The following LAPTM4B variants were observed in gnomAD, a reference collection of about 807,000 sequenced individuals.
LAPTM4B encodes the protein lysosomal protein transmembrane 4 beta, also known as lysosomal-associated transmembrane protein 4B.
Under a neutral mutation model 28.5 loss-of-function variants are expected in LAPTM4B, and 26 were observed. The observed-to-expected ratio is 0.91, with a 90% CI of 0.67 to 1.27. The LOEUF is 1.27. Among genes scored for constraint, LAPTM4B ranks in the 50% most tolerant of loss-of-function variants. The pLI is 0.00. For missense variants in LAPTM4B, 288 were observed against 285.8 expected (o/e 1.01, Z -0.06); for synonymous variants, 109 against 106.4 (o/e 1.02, Z -0.15).
At chr8:97,841,823 A>T (rs899955250) in intron 6 of LAPTM4B, among the ~76,000 whole-genome samples, 8 of 152,244 alleles carry the variant, frequency 5.3e-5, no homozygotes, top group African/African-American at 1.9e-4. Context: ...TATTTGATGT[A>T]AACACTGCAC....
chr8:97,808,679 C>T (rs529672140), intron 2 of LAPTM4B, among the ~76,000 whole-genome samples: 3 of 152,240 alleles, frequency 2.0e-5, no homozygotes, highest in Admixed American at 6.5e-5. Flanking sequence ...AGACTGGGTG[C>T]GGTGGCTCAC....
chr8:97,832,131 A>G (rs1329826055), intron 6 of LAPTM4B, among the ~76,000 whole-genome samples: 1 of 152,168 alleles, frequency 6.6e-6, no homozygotes, highest in Non-Finnish European at 1.5e-5. Flanking sequence ...AAGTCCCCCA[A>G]ATGCATCCTA....
chr8:97,807,072 A>C (rs1229796370), intron 2 of LAPTM4B, among the ~76,000 whole-genome samples: 1 of 151,978 alleles, frequency 6.6e-6, no homozygotes. Context: ...TTTTCTTCCC[A>C]GTCTCGGGTA....
In LAPTM4B at chr8:97,823,698, G is replaced by GT. The variant is rs752570648; in HGVS notation, c.508-1345dup. 1.3e-3 allele frequency among the ~76,000 whole-genome samples: 128 copies of GT among 96,414 alleles called. 3 individuals carry two copies. The highest frequency in any genetic ancestry group is 9.7e-3 in the South Asian group (26 of 2,674). The allele number at this position is 96,414 out of a possible 152,430, so 63.3% of individuals were successfully genotyped here. A position where few individuals can be genotyped will look rare whatever the true frequency, so the allele number is the denominator to read the frequency against. ...TCCCATTATTATTATTATTTATTTAGTTTTTTTTTTTTTTTCGGAGATGGA... is the reference window on the plus strand; with the variant it reads ...TCCCATTATTATTATTATTTATTTAGTTTTTTTTTTTTTTTTCGGAGATGGA... On this transcript the variant is annotated intron_variant, in intron 5 of 6. Coordinates refer to ENST00000521545, the MANE Select transcript of LAPTM4B (RefSeq NM_018407.6).
At chr8:97,829,910 TG>T (rs1196895101) in intron 6 of LAPTM4B, among the ~76,000 whole-genome samples, 3 of 152,136 alleles carry the variant, frequency 2.0e-5, no homozygotes, top group African/African-American at 7.2e-5. Context: ...TTGGCCAGGC[TG>T]GTCTTGAACT....
At chr8:97,813,197 C>T (rs59929469) in intron 2 of LAPTM4B, among the ~76,000 whole-genome samples, 4,280 of 152,300 alleles carry the variant, frequency 0.028, 201 homozygotes, top group African/African-American at 0.097. Flanking sequence ...CCCAAAACCT[C>T]AAAAGTAGGG....
chr8:97,795,244 T>G, intron 1 of LAPTM4B, among the ~76,000 whole-genome samples: 1 of 152,036 alleles, frequency 6.6e-6, no homozygotes, highest in East Asian at 1.9e-4. Context: ...GGACCACAGG[T>G]GCCTACCACC....
intron 5 of LAPTM4B, among the ~76,000 whole-genome samples, chr8:97,823,802 A>C (rs540464743): frequency 6.6e-6 from 1 of 151,074 alleles, no homozygotes; most frequent in Non-Finnish European, 1.5e-5. Context: ...GGTTCAAGCA[A>C]TTCTCCCGCC....
intron 1 of LAPTM4B, among the ~76,000 whole-genome samples, chr8:97,793,387 T>A (rs941330480): frequency 6.6e-6 from 1 of 152,208 alleles, no homozygotes; most frequent in Non-Finnish European, 1.5e-5. Context: ...CCCCCAGCAC[T>A]CATTTAATTT....
rs753483537 is a variant in LAPTM4B at position 97,817,445 on chromosome 8, CTT to C, written c.408+1284_408+1285del. Among the ~76,000 whole-genome samples, 47 of 89,002 alleles carry C rather than the reference CTT, an allele frequency of 5.3e-4. 3 individuals carry two copies. The highest frequency in any genetic ancestry group is 1.6e-3 in the East Asian group (4 of 2,546). The allele number at this position is 89,002 out of a possible 152,430, so 58.4% of individuals were successfully genotyped here. The stretch of plus-strand genomic sequence containing the variant: ...GACTCACTGTACCAGGCCAACTTTA[CTT>C]TTTTTTTTTTTTTTTTTTGAGACAG... On this transcript the variant is annotated intron_variant, in intron 4 of 6. Coordinates refer to ENST00000521545, the MANE Select transcript of LAPTM4B (RefSeq NM_018407.6).
At chr8:97,824,699 A>G (rs1321342704) in intron 5 of LAPTM4B, among the ~76,000 whole-genome samples, 1 of 152,230 alleles carries the variant, frequency 6.6e-6, no homozygotes, top group Non-Finnish European at 1.5e-5. Flanking sequence ...GAGTTAATAC[A>G]TTCGATTGTT....
At chr8:97,838,390 C>T (rs1357299888) in intron 6 of LAPTM4B, among the ~76,000 whole-genome samples, 1 of 152,202 alleles carries the variant, frequency 6.6e-6, no homozygotes, top group Non-Finnish European at 1.5e-5. Context: ...GTGTTTGTAT[C>T]ATAGGTTTCT....
intron 6 of LAPTM4B, among the ~76,000 whole-genome samples, chr8:97,836,516 A>G (rs934402190): frequency 1.3e-5 from 2 of 152,146 alleles, no homozygotes; most frequent in Admixed American, 6.5e-5. Flanking sequence ...TCTTAAACCT[A>G]TGTGACCTTG....
rs757843235 is a variant in LAPTM4B, at chr8:97,819,185, A to G, written c.454A>G (p.Thr152Ala). The change falls in exon 5 of 7, where the codon ACC becomes GCC. Residue 152 changes from threonine to alanine, a missense_variant. Thr to Ala is a moderately conservative substitution (Grantham distance 58). Transcript: ENST00000521545. Reference protein sequence around the residue: ...YRDDVMSVNPTCLVLIILLFI... With the variant: ...YRDDVMSVNPACLVLIILLFI... ...AGATGATGTCATGTCAGTGAATCCT[A>G]CCTGTTTGGTCCTTATTATTCTTCT... 20 of 1,610,596 alleles carry G rather than the reference A, an allele frequency of 1.2e-5. No individual in the cohort carries two copies. Among genetic ancestry groups the G allele is most frequent in the Non-Finnish European group, 1.6e-5 (19 of 1,178,326 alleles).
chr8:97,811,300 A>C (rs1381723452), intron 2 of LAPTM4B, among the ~76,000 whole-genome samples: 1 of 152,194 alleles, frequency 6.6e-6, no homozygotes, highest in Non-Finnish European at 1.5e-5. Flanking sequence ...TACCCTAGGG[A>C]AACAGGTGCT....
chr8:97,777,985 C>G (rs1344850665), intron 1 of LAPTM4B, among the ~76,000 whole-genome samples: 2 of 152,158 alleles, frequency 1.3e-5, no homozygotes, highest in Non-Finnish European at 2.9e-5. Flanking sequence ...AAATGTACTA[C>G]GTGATCCACA....
At chr8:97,813,831 A>C (rs966918123) in intron 2 of LAPTM4B, among the ~76,000 whole-genome samples, 1 of 152,232 alleles carries the variant, frequency 6.6e-6, no homozygotes, top group East Asian at 1.9e-4. Flanking sequence ...CAAAGCTTTT[A>C]GAGAAGTTGC....
intron 1 of LAPTM4B, among the ~76,000 whole-genome samples, chr8:97,794,726 T>C (rs954584491): frequency 6.6e-6 from 1 of 152,220 alleles, no homozygotes; most frequent in African/African-American, 2.4e-5. Context: ...TTTATTTATT[T>C]ATTTTGAGAT....
chr8:97,779,216 C>T (rs569881936), intron 1 of LAPTM4B, among the ~76,000 whole-genome samples: 1 of 152,100 alleles, frequency 6.6e-6, no homozygotes, highest in Non-Finnish European at 1.5e-5. Flanking sequence ...TGCGGTGGCT[C>T]ACGCTTGTAA....
Sources: gnomAD v4.1 joint callset for allele counts (sites outside exome capture counted in the v4.1 genomes callset) on GRCh38, gnomAD v4.1.1 for gene constraint, MANE v1.5 for transcripts, NCBI Gene and HGNC (gene_info 2026-07-23, HGNC 2026-07-21) for gene names.